Variants in NDST4 observed in about 807,000 individuals in gnomAD.
The protein encoded by NDST4 is N-heparan sulfate sulfotransferase 4.
A neutral mutation model predicts 100.8 loss-of-function variants in NDST4; 63 were observed. The observed-to-expected ratio is 0.62, with a 90% confidence interval of 0.51 to 0.77. The LOEUF is 0.77. NDST4 is among the 30% of genes least tolerant of loss of function. The pLI is 0.00. For synonymous variants in NDST4, 377 were observed against 361.8 expected (o/e 1.04, Z -0.48); for missense variants, 943 against 1,018.4 (o/e 0.93, Z 1.01).
At chr4:114,932,730 T>G (rs1725541050) in intron 6 of NDST4, among the ~76,000 whole-genome samples, 1 of 151,804 alleles carries the variant, frequency 6.6e-6, no homozygotes, top group South Asian at 2.1e-4. Flanking sequence ...AAGATCCCAT[T>G]TACAACAGCA....
At position 114,839,562 on chromosome 4, in the gene NDST4, G is replaced by C; in HGVS notation, c.2116-14C>G. ...TGATCGTTGGTGCTTTAACAAGAAA[G>C]TCAATTGTAAAGTTAGATTTTTTTT... On this transcript the variant is annotated splice_polypyrimidine_tract_variant and intron_variant, in intron 10 of 13. Transcript: ENST00000264363. The C allele has an allele frequency of 6.2e-7, 1 of 1,611,902 alleles. No individual in the cohort carries two copies. The highest frequency in any genetic ancestry group is 8.5e-7 in the Non-Finnish European group (1 of 1,178,552).
At chr4:114,983,066 A>T (rs1726815393) in intron 2 of NDST4, among the ~76,000 whole-genome samples, 1 of 152,170 alleles carries the variant, frequency 6.6e-6, no homozygotes, top group Non-Finnish European at 1.5e-5. Context: ...ATTTCAGAGG[A>T]TGTATTGAAA....
intron 6 of NDST4, among the ~76,000 whole-genome samples, chr4:114,874,408 T>C (rs1452932776): frequency 6.6e-6 from 1 of 152,172 alleles, no homozygotes; most frequent in African/African-American, 2.4e-5. Context: ...TATGTGGTTC[T>C]AAGCTGAGGC....
At chr4:114,986,788 TTATACATATATATA>T (rs764056581) in intron 2 of NDST4, among the ~76,000 whole-genome samples, 4 of 65,982 alleles carry the variant, frequency 6.1e-5, no homozygotes, top group East Asian at 6.2e-4. Context: ...TGGTATCCAA[TTATACATATATATA>T]TATATATATA....
chr4:115,081,130 C>A (rs1271723158), intron 1 of NDST4, among the ~76,000 whole-genome samples: 7 of 151,166 alleles, frequency 4.6e-5, no homozygotes, highest in African/African-American at 1.7e-4. Flanking sequence ...CAAGAATCTG[C>A]CAACCCAAAG....
chr4:114,959,242 G>A (rs1726207154), intron 4 of NDST4, among the ~76,000 whole-genome samples: 1 of 152,082 alleles, frequency 6.6e-6, no homozygotes, highest in East Asian at 1.9e-4. Context: ...CTTCCAAGCT[G>A]TTCCAACCTC....
At chr4:115,059,345 T>A (rs1187165544) in intron 2 of NDST4, among the ~76,000 whole-genome samples, 1 of 152,184 alleles carries the variant, frequency 6.6e-6, no homozygotes, top group South Asian at 2.1e-4. Context: ...ATCTCCATAT[T>A]TGTAGACATG....
At chr4:114,923,580 A>T (rs1043267968) in intron 6 of NDST4, among the ~76,000 whole-genome samples, 1 of 152,052 alleles carries the variant, frequency 6.6e-6, no homozygotes, top group Non-Finnish European at 1.5e-5. Context: ...CTACTTTCTC[A>T]CCAACTCATT....
intron 11 of NDST4, among the ~76,000 whole-genome samples, chr4:114,837,825 A>T (rs1045241166): frequency 1.3e-5 from 2 of 152,234 alleles, no homozygotes; most frequent in Non-Finnish European, 2.9e-5. Flanking sequence ...AAATTAGCAA[A>T]TGGGATCTAA....
intron 1 of NDST4, among the ~76,000 whole-genome samples, chr4:115,092,545 A>G (rs1002755588): frequency 1.3e-5 from 2 of 152,212 alleles, no homozygotes; most frequent in African/African-American, 2.4e-5. Context: ...TCAAAACCAA[A>G]TAATTGAAAT....
At chr4:114,963,578 G>A (rs1441540560) in intron 4 of NDST4, among the ~76,000 whole-genome samples, 1 of 152,142 alleles carries the variant, frequency 6.6e-6, no homozygotes, top group Non-Finnish European at 1.5e-5. Context: ...CTTATGATAT[G>A]TTAATACCAA....
chr4:114,960,837 T>G (rs1219434003), intron 4 of NDST4, among the ~76,000 whole-genome samples: 1 of 152,070 alleles, frequency 6.6e-6, no homozygotes, highest in East Asian at 1.9e-4. Flanking sequence ...AAAAATGTCA[T>G]AGAAGAAAGT....
intron 1 of NDST4, among the ~76,000 whole-genome samples, chr4:115,091,845 C>T (rs1729526671): frequency 6.6e-6 from 1 of 152,006 alleles, no homozygotes; most frequent in Non-Finnish European, 1.5e-5. Context: ...AAGTTGCTTT[C>T]CCTAAATAAG....
At chr4:115,001,413 T>C (rs1727287105) in intron 2 of NDST4, among the ~76,000 whole-genome samples, 1 of 151,944 alleles carries the variant, frequency 6.6e-6, no homozygotes, top group South Asian at 2.1e-4. Context: ...ACCATTAGTT[T>C]CCCCACCTAG....
chr4:114,868,174 G>T (rs994527597), intron 7 of NDST4, among the ~76,000 whole-genome samples: 5 of 152,158 alleles, frequency 3.3e-5, no homozygotes, highest in Non-Finnish European at 5.9e-5. Context: ...TGAATAAGAA[G>T]TCACACTTGT....
At chr4:114,870,715 C>T in intron 7 of NDST4, 53 bp downstream of exon 7, 1 of 1,483,204 alleles carries the variant, frequency 6.7e-7, no homozygotes, top group Non-Finnish European at 9.1e-7. Flanking sequence ...ATTATACACT[C>T]ACAAATTGCT....
chr4:114,963,537 C>T (rs1335142180), intron 4 of NDST4, among the ~76,000 whole-genome samples: 1 of 152,076 alleles, frequency 6.6e-6, no homozygotes, highest in African/African-American at 2.4e-5. Flanking sequence ...ACACTGAAAA[C>T]CATTGAAGTT....
intron 4 of NDST4, among the ~76,000 whole-genome samples, chr4:114,944,941 G>A (rs1725827256): frequency 6.6e-6 from 1 of 152,142 alleles, no homozygotes; most frequent in African/African-American, 2.4e-5. Context: ...AGCCTGTGGT[G>A]GCCCATGCCT....
intron 11 of NDST4, among the ~76,000 whole-genome samples, chr4:114,834,480 C>T (rs1204295307): frequency 1.4e-5 from 2 of 141,410 alleles, no homozygotes; most frequent in Non-Finnish European, 3.0e-5. Context: ...TGCCACTGCA[C>T]TCCAGCCTGG....
Sources: allele counts gnomAD v4.1 joint callset (sites outside exome capture counted in the v4.1 genomes callset), GRCh38; gene constraint gnomAD v4.1.1; transcripts MANE v1.5; gene names NCBI Gene and HGNC (gene_info 2026-07-23, HGNC 2026-07-21).